OTOGL: variants seen among roughly 807,000 people sequenced by gnomAD.
OTOGL encodes the protein otogelin like, also known as otogelin-like protein.
OTOGL carries 285 observed loss-of-function variants against 318.5 expected under a neutral mutation model. The observed-to-expected ratio is 0.89, with a 90% CI of 0.81 to 0.99. The LOEUF (loss-of-function observed/expected upper bound fraction) is 0.99, where lower values mean the gene tolerates loss of function less well. Among genes scored for constraint, OTOGL ranks in the 50% least tolerant of loss-of-function variants. The pLI, the probability that OTOGL is intolerant of heterozygous loss-of-function variation, is 0.00. For missense variants in OTOGL, 2,899 were observed against 2,845.6 expected, an observed-to-expected ratio of 1.02 and a Z score of -0.43; for synonymous variants, 987 against 936.5, an observed-to-expected ratio of 1.05 and a Z score of -0.99.
Position 80,353,330 on chromosome 12 carries a change from A to T in OTOGL, c.5413A>T (p.Ser1805Cys), listed in dbSNP as rs1400919176. 4 of 1,517,504 alleles carry T rather than the reference A, an allele frequency of 2.6e-6. No individual in the cohort carries two copies. Among genetic ancestry groups the T allele is most frequent in the South Asian group, 1.4e-5 (1 of 71,870 alleles). 94.0% of individuals were successfully genotyped at this position (1,517,504 alleles called of 1,614,324 possible). The change falls in exon 46 of 59, where the codon AGT becomes TGT. Residue 1805 changes from serine to cysteine, a missense_variant. By Grantham distance (112) the Ser-to-Cys change is moderately radical. Transcript: ENST00000547103. The part of the protein sequence containing the change: ...QWRTPDYCSL[S>C]CPEGKEYQPC... ...TTGTCTCCTATTCTTCAAAGCCCTG[A>T]GTTGCCCAGAGGGGAAGGAATATCA...
At chr12:80,285,193 T>C (rs1041541446) in intron 26 of OTOGL, among the ~76,000 whole-genome samples, 3 of 152,108 alleles carry the variant, frequency 2.0e-5, no homozygotes, top group African/African-American at 4.8e-5. Context: ...GTTGTAGATA[T>C]GTGGCATTAT....
At chr12:80,130,326 T>C (rs11114329) in intron 1 of OTOGL, among the ~76,000 whole-genome samples, 82,354 of 152,030 alleles carry the variant, frequency 0.54, 22,461 homozygotes, top group Middle Eastern at 0.58. Flanking sequence ...CATCAGCATT[T>C]GTCTTGGATA....
At chr12:80,297,498 A>G (rs985923580) in intron 27 of OTOGL, among the ~76,000 whole-genome samples, 8 of 151,836 alleles carry the variant, frequency 5.3e-5, no homozygotes, top group Admixed American at 5.2e-4. Flanking sequence ...ACGCCTGGCT[A>G]ATTTTTGTAT....
In OTOGL at chr12:80,365,806, G is replaced by GT. The variant is rs1890493998; in HGVS notation, c.6268-767dup. 4.6e-5 allele frequency among the ~76,000 whole-genome samples: 7 copies of GT among 152,194 alleles called. No individual in the cohort carries two copies. In the South Asian group the frequency reaches 1.5e-3, roughly 32 times the overall value. On this transcript the variant is annotated intron_variant, in intron 52 of 58. Coordinates refer to ENST00000547103, the MANE Select transcript of OTOGL (RefSeq NM_001378609.3). Reference sequence around the variant, plus strand: ...GAATGTATTGGAATCATTTATTTATGTCAAGAATAAAATTCATTTTATTAC... The same window carrying GT: ...GAATGTATTGGAATCATTTATTTATGTTCAAGAATAAAATTCATTTTATTAC...
intron 1 of OTOGL, among the ~76,000 whole-genome samples, chr12:80,205,198 T>C (rs1005990078): frequency 2.0e-5 from 3 of 152,210 alleles, no homozygotes; most frequent in Admixed American, 6.5e-5. Flanking sequence ...ATATTTTCAC[T>C]ATATGGTACA....
chr12:80,377,358 T>A (rs1224218356), intron 58 of OTOGL, among the ~76,000 whole-genome samples, 156 bp downstream of exon 58: 1 of 152,170 alleles, frequency 6.6e-6, no homozygotes, highest in Non-Finnish European at 1.5e-5. Flanking sequence ...ATTCTGTTTG[T>A]GAAGAAGTAT....
chr12:80,317,334 C>T (rs1213224512), intron 32 of OTOGL, among the ~76,000 whole-genome samples: 1 of 152,136 alleles, frequency 6.6e-6, no homozygotes, highest in Non-Finnish European at 1.5e-5. Context: ...CTCCCAGTTG[C>T]TGGTGAAAAT....
At position 80,227,894 on chromosome 12, in the gene OTOGL, C is replaced by T. The variant is rs555140864; in HGVS notation, c.490-1363C>T. 1.5e-4 allele frequency among the ~76,000 whole-genome samples: 23 copies of T among 152,224 alleles called. 1 individual carries two copies. In the South Asian group the frequency reaches 3.5e-3, roughly 23 times the overall value. On this transcript the variant is annotated intron_variant, in intron 7 of 58. Transcript: ENST00000547103. ...CCCCAGACCTTGACACATACCCTAT[C>T]CCCTTTCCCTGCTTAATATTTCTCC... is the stretch of plus-strand genomic sequence containing the variant.
At chr12:80,169,164 A>G (rs1359384942) in intron 1 of OTOGL, among the ~76,000 whole-genome samples, 1 of 151,938 alleles carries the variant, frequency 6.6e-6, no homozygotes, top group Non-Finnish European at 1.5e-5. Flanking sequence ...GGCTTAGTCA[A>G]CTCAATTTGA....
In OTOGL at chr12:80,355,833, C is replaced by T; in HGVS notation, c.5691C>T (p.Ser1897=). 1.2e-6 allele frequency: 2 copies of T among 1,613,922 alleles called. No individual in the cohort carries two copies. Among genetic ancestry groups the T allele is most frequent in the Non-Finnish European group, 1.7e-6 (2 of 1,179,844 alleles). Residue 1897 remains serine, a synonymous_variant, in exon 47 of 59, where the codon AGC becomes AGT. Transcript: ENST00000547103. ...TATACAAATGTTTGGAGAATGGAAG[C>T]ATTATCCCTATAGAACCTGACTGTG... The part of the protein sequence containing the change: ...CTLYKCLENG[S]IIPIEPDCDE...
chr12:80,335,816 G>C, intron 38 of OTOGL, 147 bp from the exon 39 acceptor site: 2 of 617,052 alleles, frequency 3.2e-6, no homozygotes, highest in Non-Finnish European at 5.0e-6. Context: ...TCAATAAAAA[G>C]TTGCAGCATA....
chr12:80,305,588 G>A lies in OTOGL; in HGVS notation c.3226G>A (p.Gly1076Arg), dbSNP rs1237419498. 5.1e-6 allele frequency: 8 copies of A among 1,563,104 alleles called. No homozygotes were observed. Among genetic ancestry groups the A allele is most frequent in the Non-Finnish European group, 6.0e-6 (7 of 1,166,488 alleles). Residue 1076 changes from glycine (G) to arginine (R), a missense_variant, in exon 29 of 59, where the codon GGA (glycine) becomes AGA (arginine). Gly to Arg is a moderately radical substitution (Grantham distance 125). Coordinates refer to ENST00000547103, the MANE Select transcript of OTOGL (RefSeq NM_001378609.3). The part of the protein sequence containing the change: ...VGPQWKNKLS[G>R]LCGNFDKCTS... ...TCTCTTACTTTAGAACAAGCTATCA[G>A]GATTGTGTGGAAACTTTGACAAATG...
Position 80,257,823 on chromosome 12 carries a change from A to C in OTOGL, c.1712-2A>C. 6.4e-7 allele frequency: 1 copy of C among 1,568,982 alleles called. No homozygotes were observed. Among genetic ancestry groups the C allele is most frequent in the Non-Finnish European group, 8.6e-7 (1 of 1,163,892 alleles). On this transcript the variant is annotated splice_acceptor_variant, in intron 17 of 58. Transcript: ENST00000547103. LOFTEE classifies it high-confidence loss of function. ...TGATTTACGTATGTTCTTTTCCTGCAGGTATTGTTGAAATTCAAACTCTGT... is the reference window on the plus strand; with the variant it reads ...TGATTTACGTATGTTCTTTTCCTGCCGGTATTGTTGAAATTCAAACTCTGT...
chr12:80,342,350 T>C (rs1239945687), intron 44 of OTOGL, among the ~76,000 whole-genome samples, 188 bp downstream of exon 44: 1 of 152,236 alleles, frequency 6.6e-6, no homozygotes, highest in East Asian at 1.9e-4. Context: ...GATAATTTTA[T>C]TTCTTTTCTT....
intron 1 of OTOGL, among the ~76,000 whole-genome samples, chr12:80,178,119 G>A (rs527354913): frequency 7.4e-4 from 100 of 135,064 alleles, no homozygotes; most frequent in African/African-American, 2.7e-3. Flanking sequence ...GGAGTGCAGT[G>A]GTGTGATCTC....
At chr12:80,157,897 C>A (rs1170367209) in intron 1 of OTOGL, among the ~76,000 whole-genome samples, 1 of 152,102 alleles carries the variant, frequency 6.6e-6, no homozygotes. Context: ...TTCCTTGAAT[C>A]AATTTCTGTT....
At chr12:80,145,084 T>G (rs1299942424) in intron 1 of OTOGL, among the ~76,000 whole-genome samples, 116 of 151,164 alleles carry the variant, frequency 7.7e-4, no homozygotes, top group African/African-American at 2.4e-3. Flanking sequence ...GTCAATTTTG[T>G]CTTTTGTTGC....
intron 1 of OTOGL, among the ~76,000 whole-genome samples, chr12:80,133,166 G>T: frequency 6.6e-6 from 1 of 151,266 alleles, no homozygotes; most frequent in African/African-American, 2.4e-5. Context: ...TCTTTCTTCT[G>T]TATTTAAAAT....
chr12:80,186,836 T>C (rs150282443), intron 1 of OTOGL, among the ~76,000 whole-genome samples: 10 of 152,192 alleles, frequency 6.6e-5, no homozygotes, highest in Admixed American at 1.3e-4. Flanking sequence ...AGTGCTGCCC[T>C]CTTTTGGCTA....
Sources: gnomAD v4.1 joint callset for allele counts (sites outside exome capture counted in the v4.1 genomes callset) on GRCh38, gnomAD v4.1.1 for gene constraint, MANE v1.5 for transcripts, NCBI Gene and HGNC (gene_info 2026-07-23, HGNC 2026-07-21) for gene names.